The following LDB2 variants were observed in gnomAD, a reference collection of about 807,000 sequenced individuals.
The protein encoded by LDB2 is LIM domain binding 2.
In LDB2, 12 loss-of-function variants were observed where a neutral mutation model predicts 44.3. The observed-to-expected ratio is 0.27, with a 90% CI of 0.17 to 0.44. The LOEUF (loss-of-function observed/expected upper bound fraction) is 0.44, where lower values mean the gene tolerates loss of function less well. Ranked by LOEUF, LDB2 falls within the 20% of genes least tolerant of loss-of-function variation. The probability of loss-of-function intolerance (pLI) is 1.00; values close to 1 mark genes in which losing one functional copy is unlikely to be tolerated. For synonymous variants in LDB2, 164 were observed against 174.8 expected (o/e 0.94, Z 0.49); for missense variants, 344 against 473.5 (o/e 0.73, Z 2.54).
chr4:16,769,341 G>C (rs1347944154), intron 1 of LDB2, among the ~76,000 whole-genome samples: 1 of 150,806 alleles, frequency 6.6e-6, no homozygotes, highest in East Asian at 1.9e-4. Context: ...TTGTTGCCCA[G>C]GCTGGAGTGC....
chr4:16,536,800 T>G (rs577090796), intron 5 of LDB2, among the ~76,000 whole-genome samples: 4 of 152,304 alleles, frequency 2.6e-5, no homozygotes, highest in Non-Finnish European at 2.9e-5. Context: ...GAGCACAGGT[T>G]AGGAGTCAAA....
intron 1 of LDB2, among the ~76,000 whole-genome samples, chr4:16,759,711 C>T (rs1767479065): frequency 6.6e-6 from 1 of 152,006 alleles, no homozygotes; most frequent in South Asian, 2.1e-4. Context: ...CAGAGATGTT[C>T]CTAGCTCTAC....
intron 6 of LDB2, among the ~76,000 whole-genome samples, chr4:16,510,976 A>G (rs150075363): frequency 2.4e-4 from 36 of 152,356 alleles, no homozygotes; most frequent in African/African-American, 8.4e-4. Flanking sequence ...AAATAAAGCC[A>G]ATTTAAGCAC....
chr4:16,825,292 C>T (rs886883978), intron 1 of LDB2, among the ~76,000 whole-genome samples: 1 of 152,126 alleles, frequency 6.6e-6, no homozygotes, highest in South Asian at 2.1e-4. Flanking sequence ...AAGAGATTAA[C>T]CAGAAATAAC....
chr4:16,816,130 C>T (rs1415789912), intron 1 of LDB2, among the ~76,000 whole-genome samples: 1 of 152,086 alleles, frequency 6.6e-6, no homozygotes, highest in East Asian at 1.9e-4. Flanking sequence ...ATTACTTGAA[C>T]CCTGGAAGCG....
At chr4:16,880,008 C>T (rs1719591083) in intron 1 of LDB2, among the ~76,000 whole-genome samples, 1 of 152,116 alleles carries the variant, frequency 6.6e-6, no homozygotes, top group African/African-American at 2.4e-5. Flanking sequence ...TATTCCTATG[C>T]CAGACGTGTT....
intron 1 of LDB2, among the ~76,000 whole-genome samples, chr4:16,763,323 C>T (rs143191164): frequency 6.6e-5 from 10 of 152,092 alleles, no homozygotes; most frequent in South Asian, 2.1e-4. Flanking sequence ...CAAAGTTGTC[C>T]GGAGAACTTG....
chr4:16,810,356 C>T (rs913764662), intron 1 of LDB2, among the ~76,000 whole-genome samples: 5 of 152,176 alleles, frequency 3.3e-5, no homozygotes, highest in African/African-American at 7.2e-5. Context: ...ATTCCAGACA[C>T]CTAATCACAC....
chr4:16,744,305 C>A (rs1222097108), intron 2 of LDB2, among the ~76,000 whole-genome samples: 2 of 151,504 alleles, frequency 1.3e-5, no homozygotes, highest in African/African-American at 4.9e-5. Flanking sequence ...TACAGGCACC[C>A]GCCATCATGC....
In LDB2 at chr4:16,631,814, G is replaced by A. The variant is rs574073886; in HGVS notation, c.236-35939C>T. Among the ~76,000 whole-genome samples, 5 of 152,202 alleles carry A rather than the reference G, an allele frequency of 3.3e-5. No homozygotes were observed. The South Asian group carries it at 6.2e-4, about 19-fold the overall frequency. On this transcript the variant is annotated intron_variant, in intron 2 of 7. Coordinates refer to ENST00000304523, the MANE Select transcript of LDB2 (RefSeq NM_001290.5). ...CAGAGAATGCTACAAACACCTCTAC[G>A]CAAATGAACCAGAAAATCTAGAAGA...
chr4:16,787,500 G>A (rs1774713585), intron 1 of LDB2, among the ~76,000 whole-genome samples: 1 of 152,096 alleles, frequency 6.6e-6, no homozygotes, highest in African/African-American at 2.4e-5. Context: ...TGTAATCCCA[G>A]CTACTCGGGA....
chr4:16,665,628 A>G (rs1742905455), intron 2 of LDB2, among the ~76,000 whole-genome samples: 1 of 152,148 alleles, frequency 6.6e-6, no homozygotes, highest in Non-Finnish European at 1.5e-5. Context: ...GCTGAATCCT[A>G]CCTGAGCATG....
intron 5 of LDB2, among the ~76,000 whole-genome samples, chr4:16,551,460 A>C (rs1236776474): frequency 6.6e-6 from 1 of 152,174 alleles, no homozygotes; most frequent in Non-Finnish European, 1.5e-5. Flanking sequence ...TCCATGAAAA[A>C]GTCCTCTGTA....
intron 2 of LDB2, among the ~76,000 whole-genome samples, chr4:16,727,150 G>C (rs553993508): frequency 6.6e-6 from 1 of 152,298 alleles, no homozygotes; most frequent in Admixed American, 6.5e-5. Flanking sequence ...TAGTAAGTTC[G>C]GTAGAGGCTG....
rs79748236 is a variant in LDB2 at position 16,664,610 on chromosome 4, G to A, written c.236-68735C>T. 3.6e-3 allele frequency among the ~76,000 whole-genome samples: 543 copies of A among 152,208 alleles called. 5 individuals are homozygous for A. The highest frequency in any genetic ancestry group is 0.012 in the African/African-American group (516 of 41,532). ...GCTTGTTTTTAAATCAAAAAAGACC[G>A]TCCAATAGCTTCATTACTTTTGTAA... is the stretch of plus-strand genomic sequence containing the variant. On this transcript the variant is annotated intron_variant, in intron 2 of 7. Coordinates refer to ENST00000304523, the MANE Select transcript of LDB2 (RefSeq NM_001290.5).
chr4:16,854,363 T>C (rs181401044), intron 1 of LDB2, among the ~76,000 whole-genome samples: 1 of 146,646 alleles, frequency 6.8e-6, no homozygotes, highest in African/African-American at 2.7e-5. Context: ...CACAGTTATA[T>C]AATTCTGTTG....
intron 2 of LDB2, among the ~76,000 whole-genome samples, chr4:16,674,033 C>CAAATAATCAAGATAAATAAAATTATAT: frequency 6.6e-6 from 1 of 152,170 alleles, no homozygotes. Context: ...GAACAACTCG[C>CAAATAATCAAGATAAATAAAATTATAT]ATTTGTATAT....
At chr4:16,889,538 T>C (rs763114407) in intron 1 of LDB2, among the ~76,000 whole-genome samples, 1 of 152,208 alleles carries the variant, frequency 6.6e-6, no homozygotes, top group Non-Finnish European at 1.5e-5. Flanking sequence ...GAATGCTCAC[T>C]GGGCTATTAG....
At chr4:16,765,516 A>G (rs1769014814) in intron 1 of LDB2, among the ~76,000 whole-genome samples, 1 of 152,342 alleles carries the variant, frequency 6.6e-6, no homozygotes, top group South Asian at 2.1e-4. Flanking sequence ...CTTGTAATAC[A>G]CATTTTCCTA....
Sources: gnomAD v4.1 joint callset for allele counts (sites outside exome capture counted in the v4.1 genomes callset) on GRCh38, gnomAD v4.1.1 for gene constraint, MANE v1.5 for transcripts, NCBI Gene and HGNC (gene_info 2026-07-23, HGNC 2026-07-21) for gene names.